Variants in SOX6 observed in about 807,000 individuals in gnomAD.
SOX6 encodes the protein SRY-box transcription factor 6, also known as transcription factor SOX-6.
In SOX6, 11 loss-of-function variants were observed where a neutral mutation model predicts 97.8. That is an observed-to-expected ratio of 0.11 (90% confidence interval 0.07 to 0.19). SOX6 has a LOEUF of 0.19. SOX6 is among the 10% of genes least tolerant of loss of function. The probability of loss-of-function intolerance (pLI) is 1.00; values close to 1 mark genes in which losing one functional copy is unlikely to be tolerated. For synonymous variants in SOX6, 360 were observed against 371.4 expected (o/e 0.97, Z 0.35); for missense variants, 810 against 1,039.5 (o/e 0.78, Z 3.04).
chr11:16,284,884 T>G (rs1854686630), intron 3 of SOX6, among the ~76,000 whole-genome samples: 1 of 152,184 alleles, frequency 6.6e-6, no homozygotes, highest in South Asian at 2.1e-4. Flanking sequence ...TTGAATGATT[T>G]TTCAGTAATA....
At chr11:16,732,108 A>G (rs1032203589) in intron 2 of SOX6, among the ~76,000 whole-genome samples, 2 of 152,194 alleles carry the variant, frequency 1.3e-5, no homozygotes, top group African/African-American at 4.8e-5. Flanking sequence ...ATAAATGGAA[A>G]AACATTCCAT....
At chr11:16,443,657 C>T (rs887535341) in intron 1 of SOX6, among the ~76,000 whole-genome samples, 2 of 152,004 alleles carry the variant, frequency 1.3e-5, no homozygotes, top group African/African-American at 2.4e-5. Context: ...GTTTGATGTA[C>T]AAATGATCTT....
At chr11:16,131,531 T>C (rs1849739316) in intron 6 of SOX6, among the ~76,000 whole-genome samples, 1 of 152,072 alleles carries the variant, frequency 6.6e-6, no homozygotes, top group African/African-American at 2.4e-5. Context: ...GCCACTTTCT[T>C]TTACAGAAAT....
chr11:16,163,952 A>G (rs1232504329), intron 6 of SOX6, among the ~76,000 whole-genome samples: 1 of 152,186 alleles, frequency 6.6e-6, no homozygotes, highest in Admixed American at 6.5e-5. Flanking sequence ...GAGACAAAGA[A>G]GAGCTGAGCC....
intron 4 of SOX6, among the ~76,000 whole-genome samples, chr11:16,576,462 G>T (rs1217392921): frequency 1.3e-5 from 2 of 152,136 alleles, no homozygotes; most frequent in African/African-American, 4.8e-5. Context: ...AACACATGTT[G>T]TCATAGTAAT....
chr11:16,103,307 TC>T, intron 7 of SOX6, among the ~76,000 whole-genome samples: 1 of 151,252 alleles, frequency 6.6e-6, no homozygotes, highest in East Asian at 2.0e-4. Context: ...GAAGTGCAAA[TC>T]AAAACCACAA....
At chr11:16,520,403 C>T (rs1861040151) in intron 4 of SOX6, among the ~76,000 whole-genome samples, 1 of 152,208 alleles carries the variant, frequency 6.6e-6, no homozygotes, top group Non-Finnish European at 1.5e-5. Context: ...TTGTTTCTAT[C>T]TTCTGCATAT....
At chr11:16,263,241 C>G (rs1426705860) in intron 3 of SOX6, among the ~76,000 whole-genome samples, 1 of 151,766 alleles carries the variant, frequency 6.6e-6, no homozygotes, top group South Asian at 2.1e-4. Context: ...AGAACAATAG[C>G]CTTGATCCTA....
chr11:16,015,306 C>G, intron 12 of SOX6: 2 of 516,810 alleles, frequency 3.9e-6, no homozygotes, highest in Non-Finnish European at 3.5e-6. Context: ...CTATGCATAT[C>G]TTCTCTCTGT....
chr11:16,060,445 A>C (rs183633683), intron 9 of SOX6, among the ~76,000 whole-genome samples: 1 of 152,058 alleles, frequency 6.6e-6, no homozygotes, highest in Admixed American at 6.6e-5. Flanking sequence ...GGACAGTAGG[A>C]TATCAGGTAA....
chr11:16,702,878 GAAGA>G (rs888670239), intron 3 of SOX6, among the ~76,000 whole-genome samples: 1 of 150,128 alleles, frequency 6.7e-6, no homozygotes, highest in Non-Finnish European at 1.5e-5. Context: ...CTATGTCAAA[GAAGA>G]AACTACCTAA....
At chr11:16,232,441 C>T (rs1852881356) in intron 4 of SOX6, among the ~76,000 whole-genome samples, 1 of 151,890 alleles carries the variant, frequency 6.6e-6, no homozygotes, top group Non-Finnish European at 1.5e-5. Flanking sequence ...TGAAAGTTCA[C>T]ATATCACAAA....
chr11:16,437,554 C>T (rs1859404952), intron 1 of SOX6, among the ~76,000 whole-genome samples: 2 of 152,278 alleles, frequency 1.3e-5, no homozygotes, highest in South Asian at 4.1e-4. Flanking sequence ...AGTTTAAATA[C>T]TAAGTAGTTT....
At chr11:16,108,850 A>G (rs1015832629) in intron 7 of SOX6, among the ~76,000 whole-genome samples, 6 of 152,112 alleles carry the variant, frequency 3.9e-5, no homozygotes, top group Non-Finnish European at 7.4e-5. Flanking sequence ...GTGAAGGCCT[A>G]TAACCCTAAA....
At chr11:16,402,865 A>T in intron 1 of SOX6, 3 of 1,535,912 alleles carry the variant, frequency 2.0e-6, no homozygotes, top group Non-Finnish European at 2.6e-6. Context: ...TCTCCTAACA[A>T]CTAAAACTAC....
rs199735443 is a variant in SOX6, at chr11:16,637,081, A to AT, written n.430-24822dup. 1.8e-3 allele frequency among the ~76,000 whole-genome samples: 268 copies of AT among 150,420 alleles called. 5 individuals are homozygous for AT. The highest frequency in any genetic ancestry group is 2.5e-3 in the East Asian group (13 of 5,134). ...GATTAGTCTCTCTAGAAATTGGCCTATTTTTTTTTGAAACAACAAGCTTTT... is the reference window on the plus strand; with the variant it reads ...GATTAGTCTCTCTAGAAATTGGCCTATTTTTTTTTTGAAACAACAAGCTTTT... On this transcript the variant is annotated intron_variant and non_coding_transcript_variant, in intron 3 of 5. Coordinates refer to the SOX6 transcript ENST00000524520.
intron 1 of SOX6, chr11:16,434,595 T>A (rs1859337406): frequency 6.6e-6 from 1 of 152,194 alleles, no homozygotes; most frequent in Non-Finnish European, 1.5e-5. Flanking sequence ...GTACTATAAT[T>A]GTTTATGTAT....
At chr11:16,423,065 C>T (rs1859051170) in intron 1 of SOX6, among the ~76,000 whole-genome samples, 1 of 152,180 alleles carries the variant, frequency 6.6e-6, no homozygotes, top group African/African-American at 2.4e-5. Context: ...CCAGAGTCTT[C>T]ATCATTCTTT....
intron 4 of SOX6, among the ~76,000 whole-genome samples, chr11:16,528,108 G>A (rs1015285460): frequency 6.6e-6 from 1 of 152,016 alleles, no homozygotes; most frequent in African/African-American, 2.4e-5. Flanking sequence ...TACATCCCAC[G>A]TATGAAACAT....
Sources: gnomAD v4.1 joint callset for allele counts (sites outside exome capture counted in the v4.1 genomes callset) on GRCh38, gnomAD v4.1.1 for gene constraint, MANE v1.5 for transcripts, NCBI Gene and HGNC (gene_info 2026-07-23, HGNC 2026-07-21) for gene names.